PRKG1: variants seen among roughly 807,000 people sequenced by gnomAD.
PRKG1 encodes cGMP-dependent protein kinase 1.
A neutral mutation model predicts 88.1 loss-of-function variants in PRKG1; 35 were observed. That is an observed-to-expected ratio of 0.40 (90% CI 0.30 to 0.53). The LOEUF is 0.53. Ranked by LOEUF, PRKG1 falls within the 20% of genes least tolerant of loss-of-function variation. The pLI, the probability that PRKG1 is intolerant of heterozygous loss-of-function variation, is 0.59. For synonymous variants in PRKG1, 303 were observed against 292.5 expected (o/e 1.04, Z -0.37); for missense variants, 540 against 839.8 (o/e 0.64, Z 4.41).
chr10:51,926,649 AAAAGCATGAGG>A, intron 5 of PRKG1, among the ~76,000 whole-genome samples: 1 of 150,396 alleles, frequency 6.6e-6, no homozygotes, highest in East Asian at 1.9e-4. Context: ...ACAGCATTTG[AAAAGCATGAGG>A]AAAGCATTCC....
chr10:51,561,612 G>A (rs936493242), intron 3 of PRKG1, among the ~76,000 whole-genome samples: 5 of 151,844 alleles, frequency 3.3e-5, no homozygotes, highest in Non-Finnish European at 4.4e-5. Context: ...AGAAATGATC[G>A]ATACAGGTTT....
At chr10:51,880,855 T>G (rs1294335831) in intron 4 of PRKG1, among the ~76,000 whole-genome samples, 2 of 152,180 alleles carry the variant, frequency 1.3e-5, no homozygotes, top group Non-Finnish European at 2.9e-5. Context: ...GTATTGAGTA[T>G]CTTTAGATGC....
chr10:51,680,351 C>G (rs60409334), intron 3 of PRKG1, among the ~76,000 whole-genome samples: 1 of 151,374 alleles, frequency 6.6e-6, no homozygotes, highest in Non-Finnish European at 1.5e-5. Flanking sequence ...GCCCCTTGCT[C>G]GGGCCCACTC....
rs536289797 is a variant in PRKG1, at chr10:52,021,823, A to G, written c.763-32661A>G. 1.5e-4 allele frequency among the ~76,000 whole-genome samples: 23 copies of G among 152,330 alleles called. No homozygotes were observed. The South Asian group carries it at 4.8e-3, about 32-fold the overall frequency. ...ATTCTACAATGTAACCTAATGAATT[A>G]TTATTTACATTTCATTTTGATTGTG... On this transcript the variant is annotated intron_variant, in intron 5 of 17. Transcript: ENST00000373980.
intron 2 of PRKG1, among the ~76,000 whole-genome samples, chr10:51,241,019 G>C (rs909906487): frequency 3.3e-5 from 5 of 152,146 alleles, no homozygotes; most frequent in Non-Finnish European, 7.3e-5. Flanking sequence ...GCCACTCCTT[G>C]AGCTGGGTGC....
intron 7 of PRKG1, among the ~76,000 whole-genome samples, chr10:52,111,238 A>C (rs2132589779): frequency 6.6e-6 from 1 of 152,248 alleles, no homozygotes; most frequent in African/African-American, 2.4e-5. Flanking sequence ...TATTTTGGAG[A>C]AGCAATTTCA....
chr10:51,506,790 C>G lies in PRKG1; in HGVS notation c.592+38954C>G, dbSNP rs1467128705. 9.9e-5 allele frequency among the ~76,000 whole-genome samples: 15 copies of G among 152,252 alleles called. No individual in the cohort carries two copies. The South Asian group carries it at 2.9e-3, about 29-fold the overall frequency. On this transcript the variant is annotated intron_variant, in intron 3 of 17. Coordinates refer to ENST00000373980, the MANE Select transcript of PRKG1 (RefSeq NM_006258.4). ...TAGAAATACCATTTGACCCAGCCATCCCATTACTGGGTATATACCCAAAGG... is the reference window on the plus strand; with the variant it reads ...TAGAAATACCATTTGACCCAGCCATGCCATTACTGGGTATATACCCAAAGG...
At chr10:51,462,569 T>C (rs1839773614) in intron 2 of PRKG1, among the ~76,000 whole-genome samples, 1 of 152,184 alleles carries the variant, frequency 6.6e-6, no homozygotes, top group East Asian at 1.9e-4. Flanking sequence ...AACCAGATGA[T>C]TGATTGCTTC....
intron 9 of PRKG1, among the ~76,000 whole-genome samples, chr10:52,244,096 A>T (rs16928359): frequency 0.1 from 15,160 of 152,112 alleles, 1,150 homozygotes; most frequent in African/African-American, 0.21. Flanking sequence ...TCTTTAAGTT[A>T]TTCCTTCCAC....
At chr10:51,400,860 G>A (rs1837719545) in intron 2 of PRKG1, among the ~76,000 whole-genome samples, 1 of 152,092 alleles carries the variant, frequency 6.6e-6, no homozygotes, top group Admixed American at 6.5e-5. Flanking sequence ...GATGGGAATG[G>A]GAATAAATTT....
intron 3 of PRKG1, among the ~76,000 whole-genome samples, chr10:51,496,716 G>C (rs1840868959): frequency 1.3e-5 from 2 of 152,028 alleles, no homozygotes; most frequent in African/African-American, 4.8e-5. Context: ...TTTTCTGTAA[G>C]TGTCATAATT....
At chr10:51,685,779 A>G (rs1176629565) in intron 3 of PRKG1, among the ~76,000 whole-genome samples, 1 of 152,178 alleles carries the variant, frequency 6.6e-6, no homozygotes, top group Non-Finnish European at 1.5e-5. Flanking sequence ...TGGGGTGACC[A>G]GCCATGATCA....
In PRKG1 at chr10:51,074,906, G is replaced by A. The variant is rs1843907110; in HGVS notation, c.311+5G>A. The stretch of plus-strand genomic sequence containing the variant: ...CTTCTACCCCAAGAGCCCACAGTAA[G>A]CAGGGGTGACGCGCCGGGTCCATGT... On this transcript the variant is annotated splice_donor_5th_base_variant and intron_variant, in intron 1 of 17. Transcript: ENST00000373980. 6.3e-7 allele frequency: 1 copy of A among 1,594,450 alleles called. No homozygotes were observed.
intron 5 of PRKG1, among the ~76,000 whole-genome samples, chr10:52,033,443 T>G (rs1222972774): frequency 6.6e-6 from 1 of 152,190 alleles, no homozygotes; most frequent in African/African-American, 2.4e-5. Context: ...CTGCGTGTTT[T>G]CTCTTAACCC....
chr10:51,746,640 T>C (rs1352757074), intron 3 of PRKG1, among the ~76,000 whole-genome samples: 10 of 151,624 alleles, frequency 6.6e-5, no homozygotes, highest in Admixed American at 6.6e-4. Context: ...GGAGAATCAC[T>C]TGAACCCAGG....
chr10:51,351,324 G>A (rs567382126), intron 2 of PRKG1, among the ~76,000 whole-genome samples: 34 of 152,238 alleles, frequency 2.2e-4, no homozygotes, highest in African/African-American at 6.0e-4. Flanking sequence ...GATCTTTGAG[G>A]AATCGCCACA....
intron 9 of PRKG1, among the ~76,000 whole-genome samples, chr10:52,193,549 AAAAAAAAAAAAAAC>A (rs943033861): frequency 4.2e-4 from 6 of 14,222 alleles, no homozygotes; most frequent in East Asian, 2.8e-3. Context: ...ACTCTGTCTC[AAAAAAAAAAAAAAC>A]AAAAAAAAAA....
intron 3 of PRKG1, among the ~76,000 whole-genome samples, chr10:51,764,684 T>C (rs1838109916): frequency 6.6e-6 from 1 of 152,186 alleles, no homozygotes; most frequent in Non-Finnish European, 1.5e-5. Flanking sequence ...ATCTATTTCC[T>C]AAAGTAAGAA....
chr10:51,347,448 T>C (rs1310490707), intron 2 of PRKG1, among the ~76,000 whole-genome samples: 1 of 152,176 alleles, frequency 6.6e-6, no homozygotes, highest in African/African-American at 2.4e-5. Context: ...CTTGATACTT[T>C]TATATAACTT....
Sources: gnomAD v4.1 joint callset for allele counts (sites outside exome capture counted in the v4.1 genomes callset) on GRCh38, gnomAD v4.1.1 for gene constraint, MANE v1.5 for transcripts, NCBI Gene and HGNC (gene_info 2026-07-23, HGNC 2026-07-21) for gene names.